Variants in MS4A4A observed in about 807,000 individuals in gnomAD.
The protein encoded by MS4A4A is membrane spanning 4-domains A4A, also known as membrane-spanning 4-domains subfamily A member 4A.
MS4A4A carries 26 observed loss-of-function variants against 28.0 expected under a neutral mutation model. The observed-to-expected ratio is 0.93, with a 90% CI of 0.68 to 1.29. MS4A4A has a LOEUF of 1.29. Ranked by LOEUF, MS4A4A falls within the 50% of genes most tolerant of loss-of-function variation. The probability of loss-of-function intolerance (pLI) is 0.00; values close to 1 mark genes in which losing one functional copy is unlikely to be tolerated. For synonymous variants in MS4A4A, 86 were observed against 100.8 expected (o/e 0.85, Z 0.88); for missense variants, 290 against 293.1 (o/e 0.99, Z 0.08).
intron 1 of MS4A4A, among the ~76,000 whole-genome samples, chr11:60,285,657 G>A (rs377153784): frequency 3.3e-5 from 5 of 152,216 alleles, no homozygotes; most frequent in South Asian, 4.1e-4. Context: ...TGATGCCCCC[G>A]AGCTGCAAAA....
chr11:60,291,668 C>T (rs1394304318), intron 1 of MS4A4A, among the ~76,000 whole-genome samples: 2 of 151,578 alleles, frequency 1.3e-5, no homozygotes, highest in Non-Finnish European at 2.9e-5. Flanking sequence ...CATGGTGGCA[C>T]GCGCCTGTAG....
chr11:60,308,550 T>A lies in MS4A4A; in HGVS notation c.*372T>A, dbSNP rs1471106915. The stretch of plus-strand genomic sequence containing the variant: ...TGGAAGCAGAAGAGCAAAAAAAAGA[T>A]ATTGTTAAAATGAGGCCTCCATGCA... On this transcript the variant is annotated 3_prime_UTR_variant, in exon 7 of 7. Transcript: ENST00000337908. The A allele has an allele frequency of 5.7e-6, 1 of 174,066 alleles. No homozygotes were observed. The highest frequency in any genetic ancestry group is 6.2e-5 in the Admixed American group (1 of 16,006). 10.8% of individuals were successfully genotyped at this position (174,066 alleles called of 1,614,324 possible). A position where few individuals can be genotyped will look rare whatever the true frequency, so the allele number is the denominator to read the frequency against.
rs556412367 is a variant in MS4A4A at position 60,285,307 on chromosome 11, C to T, written c.41+4591C>T. On this transcript the variant is annotated intron_variant, in intron 1 of 6. Coordinates refer to ENST00000337908, the MANE Select transcript of MS4A4A (RefSeq NM_148975.3). Reference sequence around the variant, plus strand: ...TCACTTGAGCCCTGGAGTTTGAGACCAGCTTGGGTAACATAGAGAAACCCC... The same window carrying T: ...TCACTTGAGCCCTGGAGTTTGAGACTAGCTTGGGTAACATAGAGAAACCCC... Among the ~76,000 whole-genome samples, 13 of 152,154 alleles carry T rather than the reference C, an allele frequency of 8.5e-5. No individual in the cohort carries two copies. In the East Asian group the frequency reaches 2.3e-3, roughly 27 times the overall value.
At chr11:60,291,614 A>G (rs988727829) in intron 1 of MS4A4A, among the ~76,000 whole-genome samples, 9 of 152,056 alleles carry the variant, frequency 5.9e-5, no homozygotes, top group African/African-American at 2.2e-4. Flanking sequence ...ACTGGCCAAC[A>G]TGGTGAAACT....
At chr11:60,297,410 A>T in intron 3 of MS4A4A, 85 bp downstream of exon 3, 2 of 1,472,188 alleles carry the variant, frequency 1.4e-6, no homozygotes, top group Non-Finnish European at 1.8e-6. Context: ...TTCTAACCGT[A>T]TCTTGTAATT....
chr11:60,287,246 GC>G (rs1293638562), intron 1 of MS4A4A, among the ~76,000 whole-genome samples: 2 of 152,040 alleles, frequency 1.3e-5, no homozygotes, highest in Non-Finnish European at 2.9e-5. Context: ...ATTGTATTTT[GC>G]TTATAGCTCT....
chr11:60,282,806 T>G (rs2084766888), intron 1 of MS4A4A: 3 of 1,133,814 alleles, frequency 2.6e-6, no homozygotes, highest in Non-Finnish European at 3.3e-6. Flanking sequence ...AATTTTAACT[T>G]TATGCTAAGG....
intron 1 of MS4A4A, among the ~76,000 whole-genome samples, chr11:60,291,133 A>G (rs1379459499): frequency 2.0e-5 from 3 of 152,184 alleles, no homozygotes; most frequent in Non-Finnish European, 4.4e-5. Flanking sequence ...TCTCTACATG[A>G]CTTGGTTGGA....
chr11:60,294,305 G>A (rs890919826), intron 2 of MS4A4A, among the ~76,000 whole-genome samples: 3 of 152,202 alleles, frequency 2.0e-5, no homozygotes, highest in Non-Finnish European at 2.9e-5. Context: ...TAATGAGGAC[G>A]TTTATGTTCT....
chr11:60,285,332 C>A (rs2084794707), intron 1 of MS4A4A, among the ~76,000 whole-genome samples: 1 of 152,058 alleles, frequency 6.6e-6, no homozygotes, highest in Non-Finnish European at 1.5e-5. Context: ...AGAGAAACCC[C>A]ATCTCTACAA....
At chr11:60,289,924 T>C (rs544746407) in intron 1 of MS4A4A, 1 of 173,970 alleles carries the variant, frequency 5.7e-6, no homozygotes, top group Non-Finnish European at 1.3e-5. Flanking sequence ...CCTGTCACTC[T>C]ATGTGCTTTA....
At chr11:60,296,889 T>C (rs1280987276) in intron 2 of MS4A4A, 1 of 308,466 alleles carries the variant, frequency 3.2e-6, no homozygotes, top group East Asian at 9.7e-5. Flanking sequence ...TCTGAGCTCA[T>C]GAGAAAAAAA....
intron 1 of MS4A4A, among the ~76,000 whole-genome samples, chr11:60,291,120 C>G (rs953033607): frequency 6.6e-6 from 1 of 152,176 alleles, no homozygotes; most frequent in Non-Finnish European, 1.5e-5. Context: ...TGACTTTAGC[C>G]TATCTCTACA....
chr11:60,282,714 A>C (rs1218721344), intron 1 of MS4A4A: 4 of 1,277,496 alleles, frequency 3.1e-6, no homozygotes, highest in Non-Finnish European at 4.1e-6. Flanking sequence ...TTGGAGCTTT[A>C]AAAATTAAAA....
intron 2 of MS4A4A, among the ~76,000 whole-genome samples, chr11:60,294,658 T>C (rs774813074): frequency 6.6e-6 from 1 of 152,130 alleles, no homozygotes; most frequent in Non-Finnish European, 1.5e-5. Context: ...GTGTCTTTTA[T>C]TCTTACTTAT....
In MS4A4A at chr11:60,292,327, A is replaced by C; in HGVS notation, c.144A>C (p.Ser48=). 1 of 1,610,502 alleles carries C rather than the reference A, an allele frequency of 6.2e-7. No individual in the cohort carries two copies. Among genetic ancestry groups the C allele is most frequent in the Middle Eastern group, 1.7e-4 (1 of 6,054 alleles). ...TGGGAAACATGGCTGTCATACATTC[A>C]CATCTGTGGAAAGGATTGCAAGAGA... ...PQLGNMAVIH[S]HLWKGLQEKF... Residue 48 remains serine, a synonymous_variant, in exon 2 of 7, where the codon TCA becomes TCC. Transcript: ENST00000337908.
chr11:60,300,184 TAGAG>T (rs1340415371), intron 3 of MS4A4A, among the ~76,000 whole-genome samples: 3 of 152,202 alleles, frequency 2.0e-5, no homozygotes, highest in Non-Finnish European at 2.9e-5. Context: ...TATTAAAAGA[TAGAG>T]AGTCTAACCA....
intron 2 of MS4A4A, among the ~76,000 whole-genome samples, chr11:60,292,617 G>A (rs1030532400): frequency 3.3e-5 from 5 of 152,160 alleles, no homozygotes; most frequent in Non-Finnish European, 2.9e-5. Flanking sequence ...AGGGTTGTGG[G>A]TCATCCATGA....
chr11:60,300,085 A>G (rs1029551787), intron 3 of MS4A4A, among the ~76,000 whole-genome samples: 1 of 152,114 alleles, frequency 6.6e-6, no homozygotes, highest in African/African-American at 2.4e-5. Flanking sequence ...GAGCTTTTTT[A>G]TTAGTTCTGT....
Sources: allele counts gnomAD v4.1 joint callset (sites outside exome capture counted in the v4.1 genomes callset), GRCh38; gene constraint gnomAD v4.1.1; transcripts MANE v1.5; gene names NCBI Gene and HGNC (gene_info 2026-07-23, HGNC 2026-07-21).